SIPA1L2: variants seen among roughly 807,000 people sequenced by gnomAD.
SIPA1L2 encodes the protein signal induced proliferation associated 1 like 2, also known as signal-induced proliferation-associated 1-like protein 2.
In SIPA1L2, 56 loss-of-function variants were observed where a neutral mutation model predicts 163.9. The observed-to-expected ratio is 0.34, with a 90% CI of 0.28 to 0.43. The LOEUF is 0.43. SIPA1L2 is among the 20% of genes least tolerant of loss of function. SIPA1L2 has a pLI of 1.00. For missense variants in SIPA1L2, 1,974 were observed against 2,193.5 expected (o/e 0.90, Z 2.00); for synonymous variants, 877 against 865.7 (o/e 1.01, Z -0.23).
chr1:232,424,836 A>C (rs1361763287), intron 18 of SIPA1L2, among the ~76,000 whole-genome samples: 2 of 152,226 alleles, frequency 1.3e-5, no homozygotes, highest in Non-Finnish European at 2.9e-5. Flanking sequence ...AATGAAAAAA[A>C]ACTTGGCAAT....
chr1:232,572,304 CA>C (rs1306550433), intron 2 of SIPA1L2, among the ~76,000 whole-genome samples: 1 of 152,186 alleles, frequency 6.6e-6, no homozygotes, highest in Non-Finnish European at 1.5e-5. Context: ...GGCAGCCGTA[CA>C]ATGTGTTGGT....
At chr1:232,573,826 C>T (rs1473363700) in intron 2 of SIPA1L2, among the ~76,000 whole-genome samples, 2 of 152,144 alleles carry the variant, frequency 1.3e-5, no homozygotes, top group Admixed American at 6.5e-5. Context: ...AACATGCTCA[C>T]GTGTTGTACC....
intron 1 of SIPA1L2, among the ~76,000 whole-genome samples, chr1:232,588,095 C>A (rs1660764997): frequency 6.6e-6 from 1 of 152,168 alleles, no homozygotes; most frequent in Non-Finnish European, 1.5e-5. Flanking sequence ...TACGCCTTGA[C>A]TCTTGAGCAC....
chr1:232,540,948 A>G (rs1331119563), intron 2 of SIPA1L2, among the ~76,000 whole-genome samples: 1 of 152,176 alleles, frequency 6.6e-6, no homozygotes, highest in East Asian at 1.9e-4. Flanking sequence ...TTTTGCAGGG[A>G]CATGGATGGA....
At chr1:232,572,122 G>A (rs528215822) in intron 2 of SIPA1L2, among the ~76,000 whole-genome samples, 1 of 152,160 alleles carries the variant, frequency 6.6e-6, no homozygotes, top group Non-Finnish European at 1.5e-5. Flanking sequence ...TTCAGAAAGT[G>A]TGAAGTCCAC....
In SIPA1L2 at chr1:232,566,030, C is replaced by T. The variant is rs1400598245; in HGVS notation, c.-270+8144G>A. Among the ~76,000 whole-genome samples, 4 of 152,182 alleles carry T rather than the reference C, an allele frequency of 2.6e-5. No individual in the cohort carries two copies. The South Asian group carries it at 8.3e-4, about 31-fold the overall frequency. Reference sequence around the variant, plus strand: ...GTTGCCCTTACACTGAAGTTCTCAACCCTTCTTAGCTTTTAAGAATCACCT... The same window carrying T: ...GTTGCCCTTACACTGAAGTTCTCAATCCTTCTTAGCTTTTAAGAATCACCT... On this transcript the variant is annotated intron_variant, in intron 2 of 22. Transcript: ENST00000674635.
chr1:232,404,110 G>C lies in SIPA1L2; in HGVS notation c.4816+15C>G, dbSNP rs747585440. ...ACAGGATATCAGGAGCCAACGAGCA[G>C]CCCCAGACAATCACCTAGATAGGAC... On this transcript the variant is annotated intron_variant, in intron 20 of 22. Transcript: ENST00000674635. The C allele has an allele frequency of 1.1e-5, 18 of 1,613,916 alleles. No individual in the cohort carries two copies. In the African/African-American group the frequency reaches 2.1e-4, roughly 19 times the overall value.
At chr1:232,497,481 CCTT>C (rs1283180835) in intron 3 of SIPA1L2, among the ~76,000 whole-genome samples, 1 of 152,084 alleles carries the variant, frequency 6.6e-6, no homozygotes, top group Non-Finnish European at 1.5e-5. Context: ...AAGTCATCAT[CCTT>C]CTCTCTCATT....
chr1:232,460,110 C>G lies in SIPA1L2; in HGVS notation c.3095+777G>C, dbSNP rs187496514. On this transcript the variant is annotated intron_variant, in intron 10 of 22. Coordinates refer to ENST00000674635, the MANE Select transcript of SIPA1L2 (RefSeq NM_020808.5). ...AGAGGGAAGGTGCTCTAGATACTAC[C>G]ACCAGTCATGCATTAACACAAGTAG... 2.5e-3 allele frequency among the ~76,000 whole-genome samples: 376 copies of G among 152,300 alleles called. 6 individuals carry two copies. The highest frequency in any genetic ancestry group is 8.5e-3 in the African/African-American group (353 of 41,550).
At chr1:232,488,309 A>C (rs948846492) in intron 5 of SIPA1L2, among the ~76,000 whole-genome samples, 2 of 152,164 alleles carry the variant, frequency 1.3e-5, no homozygotes. Context: ...TTAGACCAAT[A>C]ACAAAATTGC....
chr1:232,399,090 G>A lies in SIPA1L2; in HGVS notation c.*37C>T, dbSNP rs16856980. ...GTTTGTGACTTCAAAGGGACAAGGG[G>A]CATTTCCCAGTGGTCCCTTGATGAG... On this transcript the variant is annotated 3_prime_UTR_variant, in exon 23 of 23. Transcript: ENST00000674635. 6,471 of 1,613,114 alleles carry A rather than the reference G, an allele frequency of 4.0e-3. 120 individuals carry two copies. In the African/African-American group the frequency reaches 0.054, roughly 13 times the overall value.
At chr1:232,406,506 A>G (rs1660641358) in intron 19 of SIPA1L2, among the ~76,000 whole-genome samples, 1 of 152,260 alleles carries the variant, frequency 6.6e-6, no homozygotes, top group African/African-American at 2.4e-5. Flanking sequence ...TCCATATCCT[A>G]GAGCCAAGAT....
chr1:232,432,188 G>C, intron 16 of SIPA1L2, 59 bp downstream of exon 16: 1 of 1,355,826 alleles, frequency 7.4e-7, no homozygotes, highest in Admixed American at 2.0e-5. Context: ...AAATACATTT[G>C]CTTAGTCAAT....
chr1:232,439,534 T>C, intron 14 of SIPA1L2, 38 bp from the exon 15 acceptor site: 1 of 1,577,690 alleles, frequency 6.3e-7, no homozygotes, highest in African/African-American at 1.3e-5. Flanking sequence ...CTCAAGTGAA[T>C]CTTGAACTCA....
chr1:232,627,257 T>C (rs542497691), intron 1 of SIPA1L2, among the ~76,000 whole-genome samples: 1 of 152,340 alleles, frequency 6.6e-6, no homozygotes, highest in East Asian at 1.9e-4. Flanking sequence ...CATAAACACA[T>C]AGTTCTTTGC....
At chr1:232,543,011 A>G (rs1223481829) in intron 2 of SIPA1L2, among the ~76,000 whole-genome samples, 1 of 152,198 alleles carries the variant, frequency 6.6e-6, no homozygotes, top group Non-Finnish European at 1.5e-5. Flanking sequence ...AATCCCCAAG[A>G]GCTATTTTAA....
intron 2 of SIPA1L2, among the ~76,000 whole-genome samples, chr1:232,525,741 G>A (rs1437718255): frequency 6.6e-6 from 1 of 152,084 alleles, no homozygotes; most frequent in African/African-American, 2.4e-5. Flanking sequence ...CTGCACAATG[G>A]GGATCATGTC....
intron 2 of SIPA1L2, among the ~76,000 whole-genome samples, chr1:232,546,667 A>C (rs759120822): frequency 3.9e-5 from 6 of 152,246 alleles, no homozygotes; most frequent in Non-Finnish European, 5.9e-5. Context: ...CTAAATGTCT[A>C]GGCTGTTTCA....
At chr1:232,478,811 C>A (rs5023385) in intron 7 of SIPA1L2, among the ~76,000 whole-genome samples, 1 of 151,874 alleles carries the variant, frequency 6.6e-6, no homozygotes, top group African/African-American at 2.4e-5. Flanking sequence ...CAAGCAGTAA[C>A]ATTCTTCAAA....
Sources: gnomAD v4.1 joint callset for allele counts (sites outside exome capture counted in the v4.1 genomes callset) on GRCh38, gnomAD v4.1.1 for gene constraint, MANE v1.5 for transcripts, NCBI Gene and HGNC (gene_info 2026-07-23, HGNC 2026-07-21) for gene names.